Variants in ADAM12 observed in about 807,000 individuals in gnomAD.
The protein encoded by ADAM12 is ADAM metallopeptidase domain 12.
A neutral mutation model predicts 106.4 loss-of-function variants in ADAM12; 70 were observed. The ratio of observed to expected loss-of-function variants is 0.66; its 90% confidence interval spans 0.54 to 0.80. The LOEUF is 0.80. ADAM12 is among the 30% of genes least tolerant of loss of function. The probability of loss-of-function intolerance (pLI) is 0.00; values close to 1 mark genes in which losing one functional copy is unlikely to be tolerated. For synonymous variants in ADAM12, 420 were observed against 433.5 expected (o/e 0.97, Z 0.39); for missense variants, 1,010 against 1,171.9 (o/e 0.86, Z 2.02).
At chr10:126,042,370 T>A in intron 18 of ADAM12, 5 of 1,197,566 alleles carry the variant, frequency 4.2e-6, no homozygotes, top group Non-Finnish European at 5.8e-6. Context: ...CAAGCACAGC[T>A]GCTACTAAGA....
intron 3 of ADAM12, among the ~76,000 whole-genome samples, chr10:126,167,765 A>T (rs1261275660): frequency 6.6e-6 from 1 of 152,220 alleles, no homozygotes; most frequent in Admixed American, 6.5e-5. Context: ...AGTGGTATTT[A>T]TTAGCCACTG....
At chr10:126,372,241 G>A (rs1399204953) in intron 1 of ADAM12, among the ~76,000 whole-genome samples, 2 of 152,152 alleles carry the variant, frequency 1.3e-5, no homozygotes, top group Non-Finnish European at 2.9e-5. Context: ...TTCAAGGCAT[G>A]AGGACAAACC....
At chr10:126,141,277 C>A (rs570443624) in intron 4 of ADAM12, among the ~76,000 whole-genome samples, 31 of 152,276 alleles carry the variant, frequency 2.0e-4, no homozygotes, top group African/African-American at 6.7e-4. Flanking sequence ...GCCTCAAGGG[C>A]GCTAAACTGT....
intron 21 of ADAM12, among the ~76,000 whole-genome samples, 194 bp from the exon 22 acceptor site, chr10:126,020,019 G>A (rs944767709): frequency 5.9e-5 from 9 of 152,258 alleles, no homozygotes; most frequent in South Asian, 2.1e-4. Context: ...TCCATGGATC[G>A]TAGTTATAAA....
At chr10:126,068,169 A>G (rs1052101769) in intron 12 of ADAM12, among the ~76,000 whole-genome samples, 1 of 152,222 alleles carries the variant, frequency 6.6e-6, no homozygotes, top group African/African-American at 2.4e-5. Context: ...TTGTGGACTT[A>G]CAATTCTAAA....
At chr10:126,137,834 C>T (rs780395654) in intron 4 of ADAM12, among the ~76,000 whole-genome samples, 7 of 152,230 alleles carry the variant, frequency 4.6e-5, no homozygotes, top group African/African-American at 7.2e-5. Context: ...AGTAACGTTA[C>T]TATGAACACA....
At chr10:126,077,806 CA>C (rs1232380092) in intron 11 of ADAM12, among the ~76,000 whole-genome samples, 7 of 152,206 alleles carry the variant, frequency 4.6e-5, no homozygotes, top group African/African-American at 1.4e-4. Context: ...CTTATTCCCC[CA>C]CCTTTTTATT....
chr10:126,089,872 C>T (rs551569006), intron 11 of ADAM12, among the ~76,000 whole-genome samples: 4 of 152,288 alleles, frequency 2.6e-5, no homozygotes, highest in African/African-American at 9.6e-5. Context: ...AAAGTGGGCT[C>T]CCTCACCCCA....
At chr10:126,100,069 G>T (rs1168534219) in intron 9 of ADAM12, among the ~76,000 whole-genome samples, 1 of 151,864 alleles carries the variant, frequency 6.6e-6, no homozygotes, top group African/African-American at 2.4e-5. Flanking sequence ...TCATCTTCCA[G>T]TTGATCCTGC....
At chr10:126,073,613 A>G (rs1259067373) in intron 11 of ADAM12, among the ~76,000 whole-genome samples, 3 of 152,220 alleles carry the variant, frequency 2.0e-5, no homozygotes, top group African/African-American at 7.2e-5. Context: ...CTTATAAATG[A>G]GAACATGCAG....
intron 3 of ADAM12, among the ~76,000 whole-genome samples, chr10:126,206,655 T>C (rs1413041985): frequency 6.6e-6 from 1 of 152,214 alleles, no homozygotes; most frequent in African/African-American, 2.4e-5. Context: ...ATTACATGGC[T>C]GGCAAGTACC....
chr10:126,126,482 G>A (rs1397156807), intron 5 of ADAM12, among the ~76,000 whole-genome samples: 8 of 151,954 alleles, frequency 5.3e-5, no homozygotes, highest in African/African-American at 1.9e-4. Flanking sequence ...CAGTTTGCAC[G>A]TGACCAGTAG....
intron 6 of ADAM12, among the ~76,000 whole-genome samples, chr10:126,113,687 A>AATATAT (rs71309278): frequency 6.0e-3 from 144 of 24,096 alleles, no homozygotes; most frequent in Admixed American, 7.3e-3. Context: ...AAAAAAAAAA[A>AATATAT]ATATATATAT....
chr10:126,108,163 C>A (rs1216792170), intron 8 of ADAM12, among the ~76,000 whole-genome samples: 1 of 152,128 alleles, frequency 6.6e-6, no homozygotes, highest in Non-Finnish European at 1.5e-5. Flanking sequence ...AAATGCAAGC[C>A]CACCCTCAGG....
chr10:126,017,293 C>T lies in ADAM12; in HGVS notation c.2707G>A (p.Ala903Thr), dbSNP rs775896472. 27 of 1,593,408 alleles carry T rather than the reference C, an allele frequency of 1.7e-5. No homozygotes were observed. The highest frequency in any genetic ancestry group is 5.7e-5 in the South Asian group (5 of 87,542). The change falls in exon 23 of 23, where the codon GCC becomes ACC. Residue 903 changes from alanine (A) to threonine (T), a missense_variant. Physicochemically the swap from Ala to Thr is moderately conservative, Grantham distance 58 (BLOSUM62 0). Coordinates refer to ENST00000448723, the MANE Select transcript of ADAM12 (RefSeq NM_001288973.2). Reference sequence around the variant, plus strand: ...GTGTCGGCTTCTCACTTAATATAGGCGGTGTGGGTGGATCTGGGCACTTGG... The same window carrying T: ...GTGTCGGCTTCTCACTTAATATAGGTGGTGTGGGTGGATCTGGGCACTTGG... The part of the protein sequence containing the change: ...PHQVPRSTHT[A>T]YIK
chr10:126,178,408 CTTTTTTTTTT>C (rs10549268), intron 3 of ADAM12, among the ~76,000 whole-genome samples: 5 of 103,912 alleles, frequency 4.8e-5, no homozygotes, highest in Admixed American at 2.1e-4. Context: ...TGGAGGACAT[CTTTTTTTTTT>C]TTTTTTTTTT....
intron 3 of ADAM12, among the ~76,000 whole-genome samples, chr10:126,260,243 T>G (rs1366862075): frequency 6.6e-6 from 1 of 152,228 alleles, no homozygotes. Context: ...CGCTGCCTGC[T>G]AGACTATCCA....
At chr10:126,279,798 C>A (rs1392193324) in intron 2 of ADAM12, among the ~76,000 whole-genome samples, 1 of 151,992 alleles carries the variant, frequency 6.6e-6, no homozygotes, top group African/African-American at 2.4e-5. Context: ...ACAGGCACCA[C>A]AAACTCAAGG....
intron 3 of ADAM12, among the ~76,000 whole-genome samples, chr10:126,166,500 T>G (rs1352909819): frequency 6.6e-6 from 1 of 152,072 alleles, no homozygotes; most frequent in Non-Finnish European, 1.5e-5. Context: ...TCTTTTTTTT[T>G]GTTTTTTGTT....
Sources: gnomAD v4.1 joint callset for allele counts (sites outside exome capture counted in the v4.1 genomes callset) on GRCh38, gnomAD v4.1.1 for gene constraint, MANE v1.5 for transcripts, NCBI Gene and HGNC (gene_info 2026-07-23, HGNC 2026-07-21) for gene names.